Variants in CHST11 observed in about 807,000 individuals in gnomAD.
CHST11 encodes C4S-1.
CHST11 carries 9 observed loss-of-function variants against 30.4 expected under a neutral mutation model. The ratio of observed to expected loss-of-function variants is 0.30; its 90% CI spans 0.18 to 0.52. The LOEUF is 0.52. CHST11 is among the 20% of genes least tolerant of loss of function. CHST11 has a pLI of 0.97. For missense variants in CHST11, 348 were observed against 460.6 expected (o/e 0.76, Z 2.24); for synonymous variants, 152 against 187.8 (o/e 0.81, Z 1.56).
intron 2 of CHST11, among the ~76,000 whole-genome samples, chr12:104,723,572 G>T (rs2040195049): frequency 6.6e-6 from 1 of 152,210 alleles, no homozygotes; most frequent in Non-Finnish European, 1.5e-5. Context: ...TCTGCCTCTG[G>T]CTTCTTTATA....
chr12:104,685,133 G>T (rs1042840017), intron 2 of CHST11, among the ~76,000 whole-genome samples: 5 of 152,154 alleles, frequency 3.3e-5, no homozygotes, highest in African/African-American at 1.2e-4. Context: ...CCATCCAGAT[G>T]GTTAGCATTA....
intron 1 of CHST11, among the ~76,000 whole-genome samples, chr12:104,519,071 G>GTGTGTGTGTGT (rs1555229564): frequency 7.2e-6 from 1 of 139,640 alleles, no homozygotes; most frequent in Admixed American, 7.1e-5. Context: ...GGACTCTTGA[G>GTGTGTGTGTGT]GTGTGTGTGT....
intron 1 of CHST11, among the ~76,000 whole-genome samples, chr12:104,524,462 G>T (rs550605403): frequency 2.6e-5 from 4 of 152,132 alleles, no homozygotes; most frequent in African/African-American, 9.7e-5. Context: ...ACATAGACAC[G>T]TATAGGGAAT....
intron 2 of CHST11, among the ~76,000 whole-genome samples, chr12:104,602,503 C>T (rs113065860): frequency 1.3e-5 from 2 of 152,178 alleles, no homozygotes; most frequent in South Asian, 2.1e-4. Context: ...AGGCAGCAAA[C>T]GTGGCCTCTG....
At chr12:104,513,818 G>A (rs2037993689) in intron 1 of CHST11, among the ~76,000 whole-genome samples, 1 of 152,184 alleles carries the variant, frequency 6.6e-6, no homozygotes, top group Non-Finnish European at 1.5e-5. Context: ...GCAAGGTTTC[G>A]AGACAGTCCC....
chr12:104,668,709 A>G, intron 2 of CHST11, among the ~76,000 whole-genome samples: 1 of 152,050 alleles, frequency 6.6e-6, no homozygotes. Flanking sequence ...GATGGCAGCA[A>G]CCCCCATAGA....
chr12:104,609,917 C>T (rs1374940563), intron 2 of CHST11, among the ~76,000 whole-genome samples: 1 of 152,184 alleles, frequency 6.6e-6, no homozygotes, highest in African/African-American at 2.4e-5. Context: ...ATGATTTCCT[C>T]TTGCCTGGAA....
At chr12:104,739,828 T>C (rs892197110) in intron 2 of CHST11, among the ~76,000 whole-genome samples, 3 of 152,224 alleles carry the variant, frequency 2.0e-5, no homozygotes, top group Admixed American at 1.3e-4. Context: ...TGAATCTTAC[T>C]GACCCCAGAT....
chr12:104,674,228 T>C (rs1030599121), intron 2 of CHST11, among the ~76,000 whole-genome samples: 3 of 152,156 alleles, frequency 2.0e-5, no homozygotes, highest in Non-Finnish European at 4.4e-5. Flanking sequence ...TGTTTAAAAC[T>C]CTTAGCTGTT....
At chr12:104,664,650 C>T (rs1224282291) in intron 2 of CHST11, among the ~76,000 whole-genome samples, 1 of 152,136 alleles carries the variant, frequency 6.6e-6, no homozygotes, top group Non-Finnish European at 1.5e-5. Context: ...AGCCCCAGTC[C>T]CCTCCTCGGA....
At chr12:104,505,502 T>C (rs989499637) in intron 1 of CHST11, among the ~76,000 whole-genome samples, 3 of 152,232 alleles carry the variant, frequency 2.0e-5, no homozygotes, top group African/African-American at 7.2e-5. Context: ...CTGGGTTATG[T>C]TGACGCTGCC....
intron 1 of CHST11, among the ~76,000 whole-genome samples, chr12:104,563,289 C>T (rs1398939461): frequency 1.3e-5 from 2 of 152,156 alleles, no homozygotes; most frequent in African/African-American, 4.8e-5. Flanking sequence ...CCGCCTGCCT[C>T]GGCCTCCCTA....
At chr12:104,586,544 A>G (rs2038805867) in intron 1 of CHST11, among the ~76,000 whole-genome samples, 2 of 152,224 alleles carry the variant, frequency 1.3e-5, no homozygotes, top group African/African-American at 2.4e-5. Context: ...TACCTGGACT[A>G]TTTCCTTTCT....
chr12:104,555,191 G>A (rs1489014282), intron 1 of CHST11, among the ~76,000 whole-genome samples: 4 of 152,148 alleles, frequency 2.6e-5, no homozygotes, highest in Non-Finnish European at 4.4e-5. Flanking sequence ...TCGAGGTTGT[G>A]CACACCTTGT....
intron 2 of CHST11, among the ~76,000 whole-genome samples, chr12:104,687,073 T>C (rs769559975): frequency 6.6e-6 from 1 of 152,266 alleles, no homozygotes; most frequent in Non-Finnish European, 1.5e-5. Flanking sequence ...GGTCCTTCTG[T>C]ATAGATGCCA....
At chr12:104,670,455 G>A (rs1207789106) in intron 2 of CHST11, among the ~76,000 whole-genome samples, 1 of 138,398 alleles carries the variant, frequency 7.2e-6, no homozygotes, top group African/African-American at 2.8e-5. Flanking sequence ...ACATGTGCAA[G>A]TGCATATGTT....
chr12:104,603,691 T>C (rs2038977637), intron 2 of CHST11, among the ~76,000 whole-genome samples: 2 of 152,232 alleles, frequency 1.3e-5, no homozygotes, highest in African/African-American at 4.8e-5. Flanking sequence ...TGATTTGTCA[T>C]TTTTGTGGTC....
chr12:104,750,790 C>G lies in CHST11; in HGVS notation c.205-6159C>G, dbSNP rs55846941. Among the ~76,000 whole-genome samples the G allele has an allele frequency of 1.6e-3, 250 of 152,212 alleles. 1 individual carries two copies. Among genetic ancestry groups the G allele is most frequent in the Middle Eastern group, 3.4e-3 (1 of 294 alleles). ...TTATTTTTAATAATTTAAATCAACA[C>G]TAGTCTGAAAATATTTTTATTTTTT... On this transcript the variant is annotated intron_variant, in intron 2 of 2. Transcript: ENST00000303694.
intron 2 of CHST11, among the ~76,000 whole-genome samples, chr12:104,738,290 G>A (rs751865281): frequency 7.2e-5 from 11 of 152,134 alleles, no homozygotes; most frequent in South Asian, 2.1e-4. Context: ...GAGGTGCCCC[G>A]CTCTCTGTCG....
Sources: allele counts gnomAD v4.1 joint callset (sites outside exome capture counted in the v4.1 genomes callset), GRCh38; gene constraint gnomAD v4.1.1; transcripts MANE v1.5; gene names NCBI Gene and HGNC (gene_info 2026-07-23, HGNC 2026-07-21).